The following SLC25A6 variants were observed in gnomAD, a reference collection of about 807,000 sequenced individuals.
SLC25A6 encodes ADP/ATP translocase 3.
Under a neutral mutation model 25.7 loss-of-function variants are expected in SLC25A6, and 9 were observed. The ratio of observed to expected loss-of-function variants is 0.35; its 90% CI spans 0.21 to 0.61. SLC25A6 has a LOEUF of 0.61. Ranked by LOEUF, SLC25A6 falls within the 20% of genes least tolerant of loss-of-function variation. The probability of loss-of-function intolerance (pLI) is 0.76; values close to 1 mark genes in which losing one functional copy is unlikely to be tolerated. For missense variants in SLC25A6, 404 were observed against 440.5 expected, an observed-to-expected ratio of 0.92 and a Z score of 0.74; for synonymous variants, 223 against 197.0, an observed-to-expected ratio of 1.13 and a Z score of -1.11.
intron 2 of SLC25A6, 110 bp downstream of exon 2, chrX:1,389,131 G>A (rs1405622877): frequency 3.0e-5 from 38 of 1,252,678 alleles, no homozygotes; most frequent in Non-Finnish European, 3.7e-5. Flanking sequence ...GGCCGCAGGA[G>A]GAACCAGCCC....
intron 3 of SLC25A6, 86 bp downstream of exon 3, chrX:1,387,193 T>C: frequency 6.5e-7 from 1 of 1,533,128 alleles, no homozygotes; most frequent in East Asian, 2.3e-5. Flanking sequence ...AGTGCCTCCT[T>C]TGATGGTTCC....
intron 2 of SLC25A6, 44 bp downstream of exon 2, chrX:1,389,197 T>G: frequency 6.3e-7 from 1 of 1,590,280 alleles, no homozygotes; most frequent in Non-Finnish European, 8.6e-7. Flanking sequence ...AACGTCTGTG[T>G]GTTGAGCCCG....
At position 1,391,985 on chromosome X, in the gene SLC25A6, C is replaced by T; in HGVS notation, c.25G>A (p.Ala9Thr). ...ATGCCTCCGGCCAAGAAGTCTTTGG[C>T]GAAGGAGATGGCCTGTTCCGTCATG... MTEQAISFAKDFLAGGIAA... is the reference protein window; with the variant it reads MTEQAISFTKDFLAGGIAA... The change falls in exon 1 of 4, where the codon GCC becomes ACC. Residue 9 changes from alanine (A) to threonine (T), a missense_variant. Coordinates refer to ENST00000381401, the MANE Select transcript of SLC25A6 (RefSeq NM_001636.4). The T allele has an allele frequency of 6.2e-7, 1 of 1,608,938 alleles. No individual in the cohort carries two copies. The highest frequency in any genetic ancestry group is 8.5e-7 in the Non-Finnish European group (1 of 1,178,684).
In SLC25A6 at chrX:1,389,587, A is replaced by C; in HGVS notation, c.252T>G (p.Thr84=). Residue 84 remains threonine, a synonymous_variant, in exon 2 of 4, where the codon ACT becomes ACG. Transcript: ENST00000381401. Reference sequence around the variant, plus strand: ...CCTTGAAGGCGAAGTTGAGGGCTTGAGTGGGGAAGTAGCGAATGACGTTGG... The same window carrying C: ...CCTTGAAGGCGAAGTTGAGGGCTTGCGTGGGGAAGTAGCGAATGACGTTGG... ...NLANVIRYFP[T]QALNFAFKDK... 4 of 1,614,140 alleles carry C rather than the reference A, an allele frequency of 2.5e-6. No homozygotes were observed. Among genetic ancestry groups the C allele is most frequent in the Non-Finnish European group, 3.4e-6 (4 of 1,180,018 alleles).
intron 1 of SLC25A6, 133 bp from the exon 2 acceptor site, chrX:1,389,860 T>C (rs1283889555): frequency 1.0e-5 from 15 of 1,448,446 alleles, no homozygotes; most frequent in East Asian, 4.6e-5. Context: ...GGTGATCAAG[T>C]GATTCTCCTG....
chrX:1,388,772 G>A (rs1411858886), intron 2 of SLC25A6, among the ~76,000 whole-genome samples: 2 of 151,696 alleles, frequency 1.3e-5, no homozygotes, highest in African/African-American at 4.8e-5. Flanking sequence ...TGTGATAGCA[G>A]CCTGAAATGG....
Position 1,389,273 on chromosome X carries a change from G to A in SLC25A6, c.566C>T (p.Ala189Val). 1 of 1,613,744 alleles carries A rather than the reference G, an allele frequency of 6.2e-7. No homozygotes were observed. Among genetic ancestry groups the A allele is most frequent in the Non-Finnish European group, 8.5e-7 (1 of 1,179,792 alleles). The change falls in exon 2 of 4, where the codon GCG becomes GTG. Residue 189 changes from alanine (A) to valine (V), a missense_variant. Physicochemically the swap from Ala to Val is moderately conservative, Grantham distance 64. Coordinates refer to ENST00000381401, the MANE Select transcript of SLC25A6 (RefSeq NM_001636.4). ...VSVQGIIIYRAAYFGVYDTAK... is the reference protein window; with the variant it reads ...VSVQGIIIYRVAYFGVYDTAK... ...CGTATCGTACACGCCGAAGTAGGCC[G>A]CCCGGTAGATGATGATGCCCTGCAC...
chrX:1,386,986 C>T (rs1206299672), intron 3 of SLC25A6, among the ~76,000 whole-genome samples: 1 of 152,078 alleles, frequency 6.6e-6, no homozygotes, highest in Non-Finnish European at 1.5e-5. Context: ...GGGTGTCCCC[C>T]ATCTCCACCC....
intron 2 of SLC25A6, 142 bp from the exon 3 acceptor site, chrX:1,387,561 CA>C: frequency 8.1e-7 from 1 of 1,232,580 alleles, no homozygotes; most frequent in Non-Finnish European, 1.1e-6. Flanking sequence ...CGTGGCTGCT[CA>C]GTGCCAGCTG....
chrX:1,389,800 T>C, intron 1 of SLC25A6, 73 bp from the exon 2 acceptor site: 1 of 1,565,838 alleles, frequency 6.4e-7, no homozygotes, highest in Non-Finnish European at 8.6e-7. Flanking sequence ...ACAGGGTGCA[T>C]CCTTTTTTTG....
intron 3 of SLC25A6, 139 bp downstream of exon 3, chrX:1,387,140 C>T (rs1191070816): frequency 1.8e-5 from 19 of 1,071,012 alleles, no homozygotes; most frequent in Non-Finnish European, 2.4e-5. Context: ...TCCACACAGC[C>T]AGGTTACTTT....
At position 1,386,564 on chromosome X, in the gene SLC25A6, C is replaced by CCCTGGTGTGTGTGTGTGTGTGGAGGAGGG; in HGVS notation, c.*37_*38insCCCTCCTCCACACACACACACACACCAGG. On this transcript the variant is annotated 3_prime_UTR_variant, in exon 4 of 4. Coordinates refer to ENST00000381401, the MANE Select transcript of SLC25A6 (RefSeq NM_001636.4). ...GGATTCTACGTGGTTCTCTTGGTTC[C>CCCTGGTGTGTGTGTGTGTGTGGAGGAGGG]CCTGGTGTGTGTGTGTGTGTGGAGG... is the stretch of plus-strand genomic sequence containing the variant. 1 of 1,483,666 alleles carries CCCTGGTGTGTGTGTGTGTGTGGAGGAGGG rather than the reference C, an allele frequency of 6.7e-7. No individual in the cohort carries two copies. The highest frequency in any genetic ancestry group is 9.0e-7 in the Non-Finnish European group (1 of 1,116,058). The allele number at this position is 1,483,666 out of a possible 1,614,324, so 91.9% of individuals were successfully genotyped here.
Position 1,386,615 on chromosome X carries a change from T to C in SLC25A6, c.884A>G (p.Lys295Arg), listed in dbSNP as rs1413270347. 1.9e-6 allele frequency: 3 copies of C among 1,580,860 alleles called. No homozygotes were observed. The highest frequency in any genetic ancestry group is 1.4e-5 in the African/African-American group (1 of 73,244). ...AGGCCGCGGCCCTTAGATCACCTTC[T>C]TGAGCTCGTCGTACAGGACCAGCAC... ...AFVLVLYDELKKVI is the reference protein window; with the variant it reads ...AFVLVLYDELRKVI Residue 295 changes from lysine (K) to arginine (R), a missense_variant, in exon 4 of 4, where the codon AAG becomes AGG. Transcript: ENST00000381401.
rs1282095617 is a variant in SLC25A6, at chrX:1,387,361, G to A, written c.657C>T (p.Thr219=). The change falls in exon 3 of 4, where the codon ACC becomes ACT. Residue 219 remains threonine, a synonymous_variant. Coordinates refer to ENST00000381401, the MANE Select transcript of SLC25A6 (RefSeq NM_001636.4). The part of the protein sequence containing the change: ...HIVVSWMIAQ[T]VTAVAGVVSY... ...ACACCACGCCGGCCACGGCCGTCAC[G>A]GTCTGCGCGATCATCCAGCTCACCA... 19 of 1,613,352 alleles carry A rather than the reference G, an allele frequency of 1.2e-5. No homozygotes were observed. The highest frequency in any genetic ancestry group is 1.7e-4 in the Middle Eastern group (1 of 6,016).
intron 2 of SLC25A6, among the ~76,000 whole-genome samples, chrX:1,388,113 A>G (rs1412660688): frequency 6.6e-6 from 1 of 150,860 alleles, no homozygotes; most frequent in Non-Finnish European, 1.5e-5. Context: ...ACCTCATAAG[A>G]AGAGCAGATA....
intron 1 of SLC25A6, among the ~76,000 whole-genome samples, chrX:1,390,451 G>A (rs2089387226): frequency 6.6e-6 from 1 of 152,082 alleles, no homozygotes; most frequent in African/African-American, 2.4e-5. Context: ...ACATTAGCAA[G>A]GTGTGGTGGC....
At position 1,389,375 on chromosome X, in the gene SLC25A6, C is replaced by T. The variant is rs760385476; in HGVS notation, c.464G>A (p.Arg155Gln). ...VGKSGTEREF[R>Q]GLGDCLVKIT... ...CTTCACCAGGCAGTCTCCCAGGCCT[C>T]GGAACTCGCGCTCTGTGCCTGACTT... is the stretch of plus-strand genomic sequence containing the variant. The change falls in exon 2 of 4, where the codon CGA (arginine) becomes CAA (glutamine). Residue 155 changes from arginine (R) to glutamine (Q), a missense_variant. By Grantham distance (43) the Arg-to-Gln change is conservative (BLOSUM62 1). Coordinates refer to ENST00000381401, the MANE Select transcript of SLC25A6 (RefSeq NM_001636.4). The T allele has an allele frequency of 4.5e-5, 72 of 1,613,636 alleles. No homozygotes were observed. The highest frequency in any genetic ancestry group is 5.2e-5 in the Non-Finnish European group (61 of 1,179,868).
chrX:1,390,949 A>T (rs1203592395), intron 1 of SLC25A6, among the ~76,000 whole-genome samples: 6 of 150,298 alleles, frequency 4.0e-5, no homozygotes, highest in Non-Finnish European at 8.9e-5. Flanking sequence ...TTTCTTAGAG[A>T]TGGGGTCTTG....
intron 2 of SLC25A6, among the ~76,000 whole-genome samples, chrX:1,387,693 GC>G (rs1159538618): frequency 6.6e-6 from 1 of 152,186 alleles, no homozygotes; most frequent in Non-Finnish European, 1.5e-5. Flanking sequence ...AGGGAATAGG[GC>G]CCTGACCTTC....
Sources: gnomAD v4.1 joint callset for allele counts (sites outside exome capture counted in the v4.1 genomes callset) on GRCh38, gnomAD v4.1.1 for gene constraint, MANE v1.5 for transcripts, NCBI Gene and HGNC (gene_info 2026-07-23, HGNC 2026-07-21) for gene names.